SAMD12: variants seen among roughly 807,000 people sequenced by gnomAD.
SAMD12 encodes sterile alpha motif domain-containing protein 12.
Under a neutral mutation model 15.0 loss-of-function variants are expected in SAMD12, and 9 were observed. The ratio of observed to expected loss-of-function variants is 0.60; its 90% CI spans 0.36 to 1.05. The LOEUF is 1.05. Ranked by LOEUF, SAMD12 falls within the 50% of genes least tolerant of loss-of-function variation. SAMD12 has a pLI of 0.01. For synonymous variants in SAMD12, 86 were observed against 90.1 expected (o/e 0.96, Z 0.25); for missense variants, 230 against 234.2 (o/e 0.98, Z 0.12).
intron 2 of SAMD12, among the ~76,000 whole-genome samples, chr8:118,470,004 CA>C (rs928414760): frequency 3.3e-5 from 5 of 152,010 alleles, no homozygotes; most frequent in Non-Finnish European, 5.9e-5. Flanking sequence ...CACGCACATA[CA>C]TATATATGTA....
intron 3 of SAMD12, among the ~76,000 whole-genome samples, chr8:118,402,594 A>G (rs747764404): frequency 2.6e-5 from 4 of 152,202 alleles, no homozygotes; most frequent in South Asian, 2.1e-4. Flanking sequence ...CCTTTTATCT[A>G]TGGAATGTCA....
intron 2 of SAMD12, among the ~76,000 whole-genome samples, chr8:118,445,609 T>C (rs1249225277): frequency 6.6e-6 from 1 of 152,194 alleles, no homozygotes; most frequent in African/African-American, 2.4e-5. Flanking sequence ...TGAAAAGAAC[T>C]CTTAAACATT....
intron 1 of SAMD12, among the ~76,000 whole-genome samples, chr8:118,615,891 A>G (rs1469741725): frequency 6.6e-6 from 1 of 152,224 alleles, no homozygotes; most frequent in East Asian, 1.9e-4. Context: ...GAGGGCTACA[A>G]AAGAGATGGG....
intron 4 of SAMD12, among the ~76,000 whole-genome samples, chr8:118,366,823 AAAT>A (rs1818798600): frequency 1.3e-5 from 1 of 78,962 alleles, no homozygotes; most frequent in Admixed American, 1.4e-4. Context: ...AAATAAAATA[AAAT>A]AAAATAAAAT....
intron 4 of SAMD12, among the ~76,000 whole-genome samples, chr8:118,320,762 T>C (rs1816203062): frequency 6.6e-6 from 1 of 151,156 alleles, no homozygotes; most frequent in Non-Finnish European, 1.5e-5. Flanking sequence ...TACATGTATA[T>C]ATATGTAACA....
At chr8:118,156,938 G>C in the SAMD12 span, among the ~76,000 whole-genome samples, 1 of 152,158 alleles carries the variant, frequency 6.6e-6, no homozygotes, top group African/African-American at 2.4e-5. Flanking sequence ...CGCAGGGTCA[G>C]TATGATGTTT....
chr8:118,136,603 C>T, the SAMD12 span, among the ~76,000 whole-genome samples: 54 of 152,306 alleles, frequency 3.5e-4, no homozygotes, highest in African/African-American at 1.1e-3. Flanking sequence ...GGTTTTCCCA[C>T]GAGCTTCCAG....
intron 3 of SAMD12, among the ~76,000 whole-genome samples, chr8:118,436,805 T>C (rs1822586039): frequency 6.6e-6 from 1 of 152,198 alleles, no homozygotes; most frequent in Non-Finnish European, 1.5e-5. Context: ...AAAGATACCA[T>C]CAGGGCAACA....
At chr8:118,239,798 A>G (rs1812525278) in intron 4 of SAMD12, 2 of 152,120 alleles carry the variant, frequency 1.3e-5, no homozygotes, top group Non-Finnish European at 2.9e-5. Flanking sequence ...TCCCAGCCAC[A>G]ACACTGGAAT....
chr8:118,563,165 A>T (rs1826756683), intron 2 of SAMD12, among the ~76,000 whole-genome samples: 1 of 152,194 alleles, frequency 6.6e-6, no homozygotes, highest in South Asian at 2.1e-4. Context: ...AACACAAGAG[A>T]TGATGAATTT....
chr8:118,492,204 TG>T (rs1824461536), intron 2 of SAMD12, among the ~76,000 whole-genome samples: 1 of 151,800 alleles, frequency 6.6e-6, no homozygotes, highest in African/African-American at 2.4e-5. Context: ...TGCATTTTCC[TG>T]GGGACTAATG....
At chr8:118,350,084 C>T (rs992020950) in intron 4 of SAMD12, among the ~76,000 whole-genome samples, 1 of 152,192 alleles carries the variant, frequency 6.6e-6, no homozygotes, top group African/African-American at 2.4e-5. Context: ...AGCTGTTACT[C>T]AGCCTGAGCA....
chr8:118,167,886 G>A, the SAMD12 span, among the ~76,000 whole-genome samples: 1 of 152,074 alleles, frequency 6.6e-6, no homozygotes, highest in Non-Finnish European at 1.5e-5. Flanking sequence ...TTGTTGGCTG[G>A]GGAGCATTGA....
intron 4 of SAMD12, among the ~76,000 whole-genome samples, chr8:118,303,552 G>A (rs1432629969): frequency 6.6e-6 from 1 of 152,126 alleles, no homozygotes; most frequent in Non-Finnish European, 1.5e-5. Context: ...AGAGAAAGAG[G>A]AAACAAAATC....
intron 4 of SAMD12, among the ~76,000 whole-genome samples, chr8:118,216,182 T>C (rs1318025278): frequency 8.0e-5 from 12 of 149,856 alleles, no homozygotes; most frequent in African/African-American, 2.4e-4. Flanking sequence ...TGGTATCTCA[T>C]TGTGGTTTTG....
intron 4 of SAMD12, among the ~76,000 whole-genome samples, chr8:118,326,213 T>C (rs1378979714): frequency 6.6e-6 from 1 of 152,128 alleles, no homozygotes; most frequent in Non-Finnish European, 1.5e-5. Context: ...TGCCAATCCA[T>C]TGCAGGGATT....
intron 4 of SAMD12, among the ~76,000 whole-genome samples, chr8:118,221,484 T>C (rs1376719420): frequency 6.6e-6 from 1 of 152,086 alleles, no homozygotes; most frequent in South Asian, 2.1e-4. Context: ...AAAGAACAGA[T>C]CTGTTTCTGG....
intron 2 of SAMD12, among the ~76,000 whole-genome samples, chr8:118,579,442 G>C (rs1827230019): frequency 1.3e-5 from 2 of 152,048 alleles, no homozygotes; most frequent in South Asian, 4.1e-4. Flanking sequence ...ATTTCTCTTA[G>C]CTAAAATGTC....
In SAMD12 at chr8:118,287,937, G is replaced by A. The variant is rs532488372; in HGVS notation, c.434-90205C>T. On this transcript the variant is annotated intron_variant, in intron 4 of 4. Transcript: ENST00000409003. ...TGGCTGCCCCTAAGGATAGGAAAAT[G>A]ACATGGAAAGCTTCTGCTTTTCTGG... Among the ~76,000 whole-genome samples the A allele has an allele frequency of 1.8e-4, 27 of 152,270 alleles. No individual in the cohort carries two copies. The South Asian group carries it at 3.5e-3, about 20-fold the overall frequency.
Sources: allele counts gnomAD v4.1 joint callset (sites outside exome capture counted in the v4.1 genomes callset), GRCh38; gene constraint gnomAD v4.1.1; transcripts MANE v1.5; gene names NCBI Gene and HGNC (gene_info 2026-07-23, HGNC 2026-07-21).